The following DAB1 variants were observed in gnomAD, a reference collection of about 807,000 sequenced individuals.
DAB1 encodes the protein disabled homolog 1.
In DAB1, 15 loss-of-function variants were observed where a neutral mutation model predicts 64.6. That is an observed-to-expected ratio of 0.23 (90% CI 0.16 to 0.36). The LOEUF (loss-of-function observed/expected upper bound fraction) is 0.36, where lower values mean the gene tolerates loss of function less well. Ranked by LOEUF, DAB1 falls within the 10% of genes least tolerant of loss-of-function variation. DAB1 has a pLI of 1.00. For synonymous variants in DAB1, 235 were observed against 251.9 expected, an observed-to-expected ratio of 0.93 and a Z score of 0.64; for missense variants, 596 against 706.7, an observed-to-expected ratio of 0.84 and a Z score of 1.78.
intron 1 of DAB1, among the ~76,000 whole-genome samples, chr1:57,855,850 G>A (rs1653727443): frequency 6.6e-6 from 1 of 152,130 alleles, no homozygotes; most frequent in Non-Finnish European, 1.5e-5. Flanking sequence ...TGACTGCTCT[G>A]GAGAGAACCA....
At chr1:58,445,545 C>G (rs1645055850) in intron 3 of DAB1, among the ~76,000 whole-genome samples, 1 of 152,168 alleles carries the variant, frequency 6.6e-6, no homozygotes, top group Non-Finnish European at 1.5e-5. Flanking sequence ...TGGCTCCCCT[C>G]CATGATTTAC....
chr1:57,529,091 T>C (rs1429959484), intron 7 of DAB1, among the ~76,000 whole-genome samples: 1 of 151,300 alleles, frequency 6.6e-6, no homozygotes, highest in Non-Finnish European at 1.5e-5. Context: ...AGGGATGGGG[T>C]TAATAGAATT....
At chr1:57,136,900 T>C (rs745971486) in intron 3 of DAB1, among the ~76,000 whole-genome samples, 41 of 152,202 alleles carry the variant, frequency 2.7e-4, no homozygotes, top group Non-Finnish European at 4.7e-4. Flanking sequence ...ATTTATAGAA[T>C]GGTGTCTAGA....
At chr1:57,098,763 A>G (rs1365417561) in intron 4 of DAB1, among the ~76,000 whole-genome samples, 1 of 152,224 alleles carries the variant, frequency 6.6e-6, no homozygotes, top group Non-Finnish European at 1.5e-5. Flanking sequence ...ATAATTATTT[A>G]AAAATTGGGG....
In DAB1 at chr1:57,380,011, T is replaced by G. The variant is rs557583355; in HGVS notation, c.-137+43919A>C. The stretch of plus-strand genomic sequence containing the variant: ...GTGTGGCACATAGTAAACACTCAAT[T>G]AATAATAGTTGTTGTTTCTATTATT... On this transcript the variant is annotated intron_variant, in intron 1 of 14. Coordinates refer to ENST00000371236, the MANE Select transcript of DAB1 (RefSeq NM_001365792.1). 2.5e-3 allele frequency among the ~76,000 whole-genome samples: 382 copies of G among 152,340 alleles called. 3 individuals carry two copies. Among genetic ancestry groups the G allele is most frequent in the Non-Finnish European group, 3.5e-3 (240 of 68,042 alleles).
At chr1:57,960,082 G>A (rs1473912888) in intron 5 of DAB1, among the ~76,000 whole-genome samples, 1 of 152,162 alleles carries the variant, frequency 6.6e-6, no homozygotes, top group African/African-American at 2.4e-5. Context: ...TGCCTGGGCT[G>A]ATAGCAATCA....
intron 5 of DAB1, among the ~76,000 whole-genome samples, chr1:57,949,603 A>G (rs180931133): frequency 1.3e-3 from 202 of 152,158 alleles, no homozygotes; most frequent in African/African-American, 4.7e-3. Context: ...TAAAGAATAC[A>G]TTACTTAGAT....
intron 1 of DAB1, among the ~76,000 whole-genome samples, chr1:57,362,537 G>A (rs1266047226): frequency 6.6e-6 from 1 of 152,092 alleles, no homozygotes; most frequent in East Asian, 1.9e-4. Flanking sequence ...TATTAGGGAG[G>A]TGGGGTCTTC....
chr1:57,387,821 C>CAAAAAAAAAA (rs55950458), intron 1 of DAB1, among the ~76,000 whole-genome samples: 2 of 104,322 alleles, frequency 1.9e-5, no homozygotes, highest in African/African-American at 3.5e-5. Context: ...GACTCAGCCT[C>CAAAAAAAAAA]AAAAAAAAAA....
chr1:57,855,220 AACC>A (rs1325090875), intron 1 of DAB1, among the ~76,000 whole-genome samples: 5 of 152,238 alleles, frequency 3.3e-5, no homozygotes, highest in African/African-American at 1.2e-4. Context: ...AGCAAGAAGT[AACC>A]AATTCTCAAC....
At chr1:58,487,854 A>T (rs895424405) in intron 3 of DAB1, among the ~76,000 whole-genome samples, 2 of 152,082 alleles carry the variant, frequency 1.3e-5, no homozygotes, top group Non-Finnish European at 2.9e-5. Context: ...ACATTATCTA[A>T]CTAAAAATAA....
At chr1:57,999,210 T>C (rs772819731) in intron 5 of DAB1, among the ~76,000 whole-genome samples, 1 of 152,190 alleles carries the variant, frequency 6.6e-6, no homozygotes, top group African/African-American at 2.4e-5. Flanking sequence ...TCGTTTCTCA[T>C]AACCTGTAGA....
upstream of DAB1, among the ~76,000 whole-genome samples, chr1:57,885,441 G>A (rs533227028): frequency 6.6e-6 from 1 of 152,194 alleles, no homozygotes; most frequent in Admixed American, 6.5e-5. Context: ...ATTATTGATG[G>A]TATATGTTAT....
Position 58,293,764 on chromosome 1 carries a change from C to T in DAB1, n.309+49588G>A, listed in dbSNP as rs142344095. ...CCATAAGCCCCTTCCTTTTGTTGAACTGTCTCATTTTCTTCCAAAGTGGTC... is the reference window on the plus strand; with the variant it reads ...CCATAAGCCCCTTCCTTTTGTTGAATTGTCTCATTTTCTTCCAAAGTGGTC... On this transcript the variant is annotated intron_variant and non_coding_transcript_variant, in intron 4 of 20. Coordinates refer to the DAB1 transcript ENST00000485760. Among the ~76,000 whole-genome samples the T allele has an allele frequency of 6.4e-3, 980 of 152,312 alleles. 7 individuals are homozygous for T. Among genetic ancestry groups the T allele is most frequent in the Middle Eastern group, 0.017 (5 of 294 alleles).
intron 4 of DAB1, among the ~76,000 whole-genome samples, chr1:57,114,056 T>A (rs1216264019): frequency 5.3e-5 from 8 of 152,196 alleles, no homozygotes; most frequent in Non-Finnish European, 1.2e-4. Flanking sequence ...CTGGTCTCCC[T>A]GCCTTGGTGA....
At chr1:57,685,198 C>A (rs1646681391) in intron 6 of DAB1, among the ~76,000 whole-genome samples, 1 of 151,524 alleles carries the variant, frequency 6.6e-6, no homozygotes, top group Admixed American at 6.6e-5. Flanking sequence ...GTGATCTGCC[C>A]ACCTCGGCCT....
intron 4 of DAB1, among the ~76,000 whole-genome samples, chr1:58,285,892 A>T (rs564852198): frequency 2.0e-5 from 3 of 152,250 alleles, no homozygotes; most frequent in Non-Finnish European, 4.4e-5. Context: ...AGCTGGAGGC[A>T]CCACACTACC....
At position 57,197,064 on chromosome 1, in the gene DAB1, C is replaced by T. The variant is rs117114761; in HGVS notation, c.68-51635G>A. Among the ~76,000 whole-genome samples, 83 of 152,220 alleles carry T rather than the reference C, an allele frequency of 5.5e-4. No homozygotes were observed. In the East Asian group the frequency reaches 0.013, roughly 24 times the overall value. On this transcript the variant is annotated intron_variant, in intron 2 of 14. Transcript: ENST00000371236. ...AAAGTTCGATAACTTGGCCAGGCGCCGTGGCTAACGCCTGTAATCCCAACA... is the reference window on the plus strand; with the variant it reads ...AAAGTTCGATAACTTGGCCAGGCGCTGTGGCTAACGCCTGTAATCCCAACA...
intron 5 of DAB1, among the ~76,000 whole-genome samples, chr1:58,057,941 C>T (rs961167194): frequency 2.0e-5 from 3 of 151,512 alleles, no homozygotes; most frequent in Admixed American, 6.6e-5. Context: ...TATCTTGAGA[C>T]CTTCCCTGAC....
Sources: allele counts gnomAD v4.1 joint callset (sites outside exome capture counted in the v4.1 genomes callset), GRCh38; gene constraint gnomAD v4.1.1; transcripts MANE v1.5; gene names NCBI Gene and HGNC (gene_info 2026-07-23, HGNC 2026-07-21).